The following PROS1 variants were observed in gnomAD, a reference collection of about 807,000 sequenced individuals.
PROS1 encodes protein S, also known as vitamin K-dependent protein S.
A neutral mutation model predicts 75.9 loss-of-function variants in PROS1; 29 were observed. That is an observed-to-expected ratio of 0.38 (90% CI 0.28 to 0.52). PROS1 has a LOEUF of 0.52. Among genes scored for constraint, PROS1 ranks in the 20% least tolerant of loss-of-function variants. The pLI is 0.83. For synonymous variants in PROS1, 245 were observed against 280.6 expected (o/e 0.87, Z 1.27); for missense variants, 680 against 810.3 (o/e 0.84, Z 1.95).
chr3:93,957,917 T>C (rs1239781697), intron 1 of PROS1, among the ~76,000 whole-genome samples: 1 of 151,908 alleles, frequency 6.6e-6, no homozygotes, highest in Non-Finnish European at 1.5e-5. Context: ...GGTGAAACCC[T>C]GTCTCTAAAA....
Position 93,884,772 on chromosome 3 carries a change from G to T in PROS1, c.1448C>A (p.Ser483Tyr). 1 of 1,613,814 alleles carries T rather than the reference G, an allele frequency of 6.2e-7. No individual in the cohort carries two copies. Among genetic ancestry groups the T allele is most frequent in the Non-Finnish European group, 8.5e-7 (1 of 1,179,886 alleles). ...AGCAATTCCAGAACCAGGATAGTAG[G>T]AGCCCTTCTCCACAGTAACCAGGCA... The part of the protein sequence containing the change: ...KHCLVTVEKG[S>Y]YYPGSGIAQF... The change falls in exon 12 of 15, where the codon TCC (serine) becomes TAC (tyrosine). Residue 483 changes from serine to tyrosine, a missense_variant. Transcript: ENST00000394236.
At chr3:93,926,083 G>C (rs1217505111) in intron 2 of PROS1, among the ~76,000 whole-genome samples, 1 of 152,028 alleles carries the variant, frequency 6.6e-6, no homozygotes, top group Admixed American at 6.6e-5. Flanking sequence ...ATTAATGAGT[G>C]ATGTACTAAT....
At chr3:93,895,591 AT>A (rs1394034389) in intron 9 of PROS1, among the ~76,000 whole-genome samples, 1 of 152,200 alleles carries the variant, frequency 6.6e-6, no homozygotes, top group Non-Finnish European at 1.5e-5. Context: ...TAATTAAAAT[AT>A]TTTAAAATTT....
chr3:93,894,709 T>C (rs1708476765), intron 9 of PROS1, among the ~76,000 whole-genome samples: 1 of 152,136 alleles, frequency 6.6e-6, no homozygotes, highest in Admixed American at 6.5e-5. Context: ...AGGGAAAGTA[T>C]TTGATCATGA....
intron 1 of PROS1, among the ~76,000 whole-genome samples, chr3:93,968,560 A>G (rs1167063376): frequency 2.0e-5 from 3 of 152,122 alleles, no homozygotes; most frequent in Admixed American, 1.3e-4. Context: ...CAGTTACCTA[A>G]TCTCAAATTT....
intron 4 of PROS1, among the ~76,000 whole-genome samples, chr3:93,908,644 G>T (rs1244474838): frequency 1.3e-5 from 2 of 152,162 alleles, no homozygotes; most frequent in Admixed American, 6.6e-5. Context: ...GGGATAGTTT[G>T]TTTTAGACTA....
At chr3:93,916,569 C>T (rs1708852263) in intron 3 of PROS1, among the ~76,000 whole-genome samples, 1 of 152,156 alleles carries the variant, frequency 6.6e-6, no homozygotes. Flanking sequence ...CCCTCATATT[C>T]CCACTTCTCT....
intron 1 of PROS1, among the ~76,000 whole-genome samples, chr3:93,942,359 A>G (rs1398981192): frequency 1.3e-5 from 2 of 152,214 alleles, no homozygotes; most frequent in Non-Finnish European, 2.9e-5. Flanking sequence ...AGGTTGCCTC[A>G]CTATGCAAAG....
At chr3:93,904,230 G>T (rs1477040736) in intron 6 of PROS1, among the ~76,000 whole-genome samples, 4 of 151,958 alleles carry the variant, frequency 2.6e-5, no homozygotes, top group Non-Finnish European at 5.9e-5. Flanking sequence ...GGACATTTGG[G>T]TTGGTTCCAA....
intron 11 of PROS1, 124 bp downstream of exon 11, chr3:93,886,212 A>C: frequency 1.3e-6 from 1 of 781,134 alleles, no homozygotes; most frequent in Non-Finnish European, 2.2e-6. Flanking sequence ...TGATCATTTC[A>C]AGTTGTCACA....
chr3:93,929,703 G>A (rs1709075158), intron 1 of PROS1, among the ~76,000 whole-genome samples: 1 of 152,180 alleles, frequency 6.6e-6, no homozygotes, highest in Non-Finnish European at 1.5e-5. Flanking sequence ...AAAGAGTTTG[G>A]AAAGACAAAC....
At chr3:93,971,111 G>A (rs564591066) in intron 1 of PROS1, among the ~76,000 whole-genome samples, 2 of 152,054 alleles carry the variant, frequency 1.3e-5, no homozygotes, top group South Asian at 4.1e-4. Flanking sequence ...GGAGGCTGAG[G>A]TGGGCAGATC....
At chr3:93,909,813 CG>C (rs1340255452) in intron 4 of PROS1, among the ~76,000 whole-genome samples, 1 of 149,776 alleles carries the variant, frequency 6.7e-6, no homozygotes, top group Non-Finnish European at 1.5e-5. Flanking sequence ...TTCATAGGAT[CG>C]TTTTTTTTGA....
chr3:93,966,523 A>G (rs1266919432), intron 1 of PROS1, among the ~76,000 whole-genome samples: 1 of 152,206 alleles, frequency 6.6e-6, no homozygotes, highest in Non-Finnish European at 1.5e-5. Flanking sequence ...CAGCATAAAC[A>G]AAGGAAGATA....
At chr3:93,932,507 G>C (rs1008949974) in intron 1 of PROS1, among the ~76,000 whole-genome samples, 5 of 152,160 alleles carry the variant, frequency 3.3e-5, no homozygotes, top group South Asian at 2.1e-4. Flanking sequence ...GAGTTTATGA[G>C]TCTTTCAAGA....
Position 93,973,770 on chromosome 3 carries a change from C to G in PROS1, c.-21G>C, listed in dbSNP as rs752168816. ...CTCATTTCGAAGCGCGCGGAGGCGCCGGCAGGGACGGTGGCGCGTCGCGGC... is the reference window on the plus strand; with the variant it reads ...CTCATTTCGAAGCGCGCGGAGGCGCGGGCAGGGACGGTGGCGCGTCGCGGC... On this transcript the variant is annotated 5_prime_UTR_variant, in exon 1 of 15. Coordinates refer to ENST00000394236, the MANE Select transcript of PROS1 (RefSeq NM_000313.4). 2 of 1,602,730 alleles carry G rather than the reference C, an allele frequency of 1.2e-6. No individual in the cohort carries two copies. Among genetic ancestry groups the G allele is most frequent in the Non-Finnish European group, 1.7e-6 (2 of 1,174,426 alleles).
chr3:93,898,170 A>T, intron 8 of PROS1, among the ~76,000 whole-genome samples: 1 of 152,084 alleles, frequency 6.6e-6, no homozygotes, highest in Admixed American at 6.6e-5. Flanking sequence ...TTCTTAAGTA[A>T]ACATACAAGT....
Position 93,873,361 on chromosome 3 carries a change from C to T in PROS1, c.*884G>A, listed in dbSNP as rs997954634. 6.6e-6 allele frequency: 1 copy of T among 152,098 alleles called. No homozygotes were observed. Among genetic ancestry groups the T allele is most frequent in the Non-Finnish European group, 1.5e-5 (1 of 68,010 alleles). 9.4% of individuals were successfully genotyped at this position (152,098 alleles called of 1,614,324 possible). A position where few individuals can be genotyped will look rare whatever the true frequency, so the allele number is the denominator to read the frequency against. ...GGTTGTCCTTTTGTTAAAATTTGTT[C>T]TGGTTTTCATAGTTCCTTTTGTACT... On this transcript the variant is annotated 3_prime_UTR_variant, in exon 15 of 15. Coordinates refer to ENST00000394236, the MANE Select transcript of PROS1 (RefSeq NM_000313.4).
chr3:93,953,155 G>C (rs1015608104), intron 1 of PROS1, among the ~76,000 whole-genome samples: 1 of 152,122 alleles, frequency 6.6e-6, no homozygotes, highest in Non-Finnish European at 1.5e-5. Flanking sequence ...GACATAAAAA[G>C]AGTTGTTACC....
Sources: allele counts gnomAD v4.1 joint callset (sites outside exome capture counted in the v4.1 genomes callset), GRCh38; gene constraint gnomAD v4.1.1; transcripts MANE v1.5; gene names NCBI Gene and HGNC (gene_info 2026-07-23, HGNC 2026-07-21).